Variants in RTTN observed in about 807,000 individuals in gnomAD.
RTTN encodes the protein rotatin.
Under a neutral mutation model 269.2 loss-of-function variants are expected in RTTN, and 182 were observed. The ratio of observed to expected loss-of-function variants is 0.68; its 90% CI spans 0.60 to 0.76. The LOEUF is 0.76. RTTN is among the 30% of genes least tolerant of loss of function. RTTN has a pLI of 0.00. For synonymous variants in RTTN, 1,006 were observed against 963.5 expected (o/e 1.04, Z -0.82); for missense variants, 2,545 against 2,608.6 (o/e 0.98, Z 0.53).
At chr18:70,140,839 C>A (rs2060238886) in intron 19 of RTTN, among the ~76,000 whole-genome samples, 1 of 152,140 alleles carries the variant, frequency 6.6e-6, no homozygotes, top group African/African-American at 2.4e-5. Context: ...GAACCCAAAA[C>A]TGTAATTGAT....
chr18:70,102,868 T>C (rs1599556288), intron 28 of RTTN, among the ~76,000 whole-genome samples: 3 of 152,354 alleles, frequency 2.0e-5, no homozygotes, highest in South Asian at 4.1e-4. Context: ...GGGTTGAAAA[T>C]TCTTTTCTTT....
intron 17 of RTTN, among the ~76,000 whole-genome samples, chr18:70,148,245 C>T (rs1401569768): frequency 6.6e-6 from 1 of 152,114 alleles, no homozygotes; most frequent in African/African-American, 2.4e-5. Context: ...CATCTCGACT[C>T]AGCATTTTTT....
intron 14 of RTTN, among the ~76,000 whole-genome samples, chr18:70,151,187 A>G (rs895419624): frequency 6.8e-6 from 1 of 147,968 alleles, no homozygotes; most frequent in Non-Finnish European, 1.5e-5. Context: ...TAAAGAATAC[A>G]TATTTTATAT....
intron 32 of RTTN, among the ~76,000 whole-genome samples, chr18:70,083,897 G>A (rs1568350271): frequency 2.3e-5 from 2 of 86,108 alleles, no homozygotes; most frequent in African/African-American, 5.9e-5. Flanking sequence ...AACACAGTGA[G>A]ACCCCATCTT....
chr18:70,196,942 A>G (rs904453639), intron 6 of RTTN, among the ~76,000 whole-genome samples: 1 of 152,266 alleles, frequency 6.6e-6, no homozygotes, highest in African/African-American at 2.4e-5. Context: ...TTCCCCACTC[A>G]GGACATTACA....
In RTTN at chr18:70,199,443, T is replaced by A. The variant is rs372909457; in HGVS notation, c.549A>T (p.Thr183=). Residue 183 remains threonine, a synonymous_variant, in exon 5 of 49, where the codon ACA becomes ACT. Coordinates refer to ENST00000640769, the MANE Select transcript of RTTN (RefSeq NM_173630.4). ...STFPWLPLTT[T]DRHVLSSNES... is the part of the protein sequence containing the mutation. ...CATTAGAGGAGAGGACATGTCTGTC[T>A]GTGGTGGTCAGGGGTAGCCAAGGAA... is the stretch of plus-strand genomic sequence containing the variant. 19 of 1,612,974 alleles carry A rather than the reference T, an allele frequency of 1.2e-5. No homozygotes were observed. In the African/African-American group the frequency reaches 1.3e-4, roughly 11 times the overall value.
chr18:70,154,797 A>G (rs940449424), intron 14 of RTTN, among the ~76,000 whole-genome samples: 1 of 152,208 alleles, frequency 6.6e-6, no homozygotes, highest in Non-Finnish European at 1.5e-5. Flanking sequence ...CGCAAGGTTC[A>G]CATTCCCAGA....
intron 35 of RTTN, among the ~76,000 whole-genome samples, chr18:70,063,491 A>G (rs2058047862): frequency 2.6e-5 from 4 of 152,266 alleles, no homozygotes; most frequent in Admixed American, 2.6e-4. Flanking sequence ...ACTTGAGTCC[A>G]GGTGTTCGAG....
intron 27 of RTTN, among the ~76,000 whole-genome samples, chr18:70,110,858 G>A (rs1380044715): frequency 6.6e-6 from 1 of 152,244 alleles, no homozygotes; most frequent in South Asian, 2.1e-4. Flanking sequence ...ATTGACCTGG[G>A]ACGCTAGAGC....
chr18:70,109,839 A>C, intron 27 of RTTN, 122 bp from the exon 28 acceptor site: 1 of 695,134 alleles, frequency 1.4e-6, no homozygotes, highest in Non-Finnish European at 2.4e-6. Flanking sequence ...ACCAGACAAA[A>C]TGGCAGAAAA....
chr18:70,081,323 G>GA, intron 32 of RTTN, among the ~76,000 whole-genome samples: 1 of 151,298 alleles, frequency 6.6e-6, no homozygotes, highest in Middle Eastern at 3.4e-3. Flanking sequence ...ACCTATGGGG[G>GA]AAAAAAAAGT....
intron 36 of RTTN, 108 bp from the exon 37 acceptor site, chr18:70,057,940 G>A: frequency 1.5e-6 from 1 of 656,592 alleles, no homozygotes. Flanking sequence ...CAATTCAAGA[G>A]AAAGGATCTT....
chr18:70,059,960 A>G lies in RTTN; in HGVS notation c.4830T>C (p.Thr1610=), dbSNP rs768328309. 1 of 1,613,980 alleles carries G rather than the reference A, an allele frequency of 6.2e-7. No individual in the cohort carries two copies. The highest frequency in any genetic ancestry group is 1.3e-5 in the African/African-American group (1 of 74,938). ...TGCACATTGCTGAAAGAAGAGATGG[A>G]GTAACAAAAACACACAGTTTGGGCA... ...APLPKLCVFV[T]PSLLSAMCSL... Residue 1610 remains threonine, a synonymous_variant, in exon 36 of 49, where the codon ACT becomes ACC. Coordinates refer to ENST00000640769, the MANE Select transcript of RTTN (RefSeq NM_173630.4).
chr18:70,148,249 A>AT (rs1377523543), intron 17 of RTTN, among the ~76,000 whole-genome samples: 6 of 152,054 alleles, frequency 3.9e-5, no homozygotes, highest in African/African-American at 1.4e-4. Flanking sequence ...TCGACTCAGC[A>AT]TTTTTTTCTT....
At chr18:70,015,071 A>C (rs1397505980) in intron 46 of RTTN, among the ~76,000 whole-genome samples, 2 of 151,030 alleles carry the variant, frequency 1.3e-5, no homozygotes, top group Admixed American at 1.3e-4. Context: ...GAAACAAGGA[A>C]TGTTCCAGAT....
At chr18:70,047,878 A>T in intron 40 of RTTN, 93 bp downstream of exon 40, 2 of 956,308 alleles carry the variant, frequency 2.1e-6, no homozygotes, top group Non-Finnish European at 3.2e-6. Context: ...TTCTTAATTT[A>T]AATGACTGAG....
In RTTN at chr18:70,177,326, A is replaced by T. The variant is rs74545925; in HGVS notation, c.1306-481T>A. Among the ~76,000 whole-genome samples, 761 of 152,344 alleles carry T rather than the reference A, an allele frequency of 5.0e-3. 5 individuals carry two copies. The highest frequency in any genetic ancestry group is 0.017 in the African/African-American group (721 of 41,580). On this transcript the variant is annotated intron_variant, in intron 10 of 48. Transcript: ENST00000640769. ...AATTGATACCAACATTTCTAAAGAA[A>T]TGCATCAAGGAAAGTCAAATAATTA...
In RTTN at chr18:70,205,612, GC is replaced by G; in HGVS notation, c.31+15del. On this transcript the variant is annotated intron_variant, in intron 1 of 48. Coordinates refer to ENST00000640769, the MANE Select transcript of RTTN (RefSeq NM_173630.4). Reference sequence around the variant, plus strand: ...GCGCGGGGGGTGCCTTGGGCGAGGGGCAAGCTGACAGTTACCGAGTTTCCTG... The same window carrying G: ...GCGCGGGGGGTGCCTTGGGCGAGGGGAAGCTGACAGTTACCGAGTTTCCTG... The G allele has an allele frequency of 6.2e-7, 1 of 1,613,996 alleles. No individual in the cohort carries two copies. Among genetic ancestry groups the G allele is most frequent in the Non-Finnish European group, 8.5e-7 (1 of 1,179,926 alleles).
chr18:70,123,116 T>C (rs1228306013), intron 25 of RTTN, among the ~76,000 whole-genome samples: 2 of 152,282 alleles, frequency 1.3e-5, no homozygotes, highest in East Asian at 1.9e-4. Context: ...CTGCAAGTGG[T>C]TGTGAGTCAA....
Sources: allele counts gnomAD v4.1 joint callset (sites outside exome capture counted in the v4.1 genomes callset), GRCh38; gene constraint gnomAD v4.1.1; transcripts MANE v1.5; gene names NCBI Gene and HGNC (gene_info 2026-07-23, HGNC 2026-07-21).